RNF144A: variants seen among roughly 807,000 people sequenced by gnomAD.
The protein encoded by RNF144A is ring finger protein 144A.
RNF144A carries 11 observed loss-of-function variants against 38.7 expected under a neutral mutation model. The observed-to-expected ratio is 0.28, with a 90% CI of 0.18 to 0.47. RNF144A has a LOEUF of 0.47. Among genes scored for constraint, RNF144A ranks in the 20% least tolerant of loss-of-function variants. RNF144A has a pLI of 0.99. For synonymous variants in RNF144A, 149 were observed against 143.9 expected (o/e 1.04, Z -0.25); for missense variants, 316 against 377.2 (o/e 0.84, Z 1.34).
chr2:6,990,255 G>A (rs1669244147), intron 2 of RNF144A, among the ~76,000 whole-genome samples: 2 of 151,952 alleles, frequency 1.3e-5, no homozygotes, highest in Admixed American at 1.3e-4. Flanking sequence ...TCCTCACATG[G>A]CCAAGAAAGA....
intron 2 of RNF144A, among the ~76,000 whole-genome samples, chr2:6,982,688 C>T (rs931798733): frequency 2.0e-5 from 3 of 152,146 alleles, no homozygotes; most frequent in African/African-American, 7.2e-5. Context: ...CTGGCCATGT[C>T]TGTAGCAATC....
chr2:6,985,120 T>C (rs1668865530), intron 2 of RNF144A, among the ~76,000 whole-genome samples: 1 of 152,216 alleles, frequency 6.6e-6, no homozygotes, highest in Non-Finnish European at 1.5e-5. Flanking sequence ...CTTCTCTATG[T>C]ATTTGAAATA....
intron 8 of RNF144A, among the ~76,000 whole-genome samples, chr2:7,031,753 G>A (rs1672317032): frequency 6.6e-6 from 1 of 152,262 alleles, no homozygotes; most frequent in African/African-American, 2.4e-5. Context: ...ACGTGGCAGA[G>A]CCTGTGGGCG....
rs561456039 is a variant in RNF144A at position 7,065,851 on chromosome 2, A to C, written c.735-2365A>C. On this transcript the variant is annotated intron_variant, in intron 6 of 6. Transcript: ENST00000432850. ...ACTACGAAAGTTACTTTAAAAATACAGGCTTCTGCTGAAAACTTTAAGATC... is the reference window on the plus strand; with the variant it reads ...ACTACGAAAGTTACTTTAAAAATACCGGCTTCTGCTGAAAACTTTAAGATC... Among the ~76,000 whole-genome samples the C allele has an allele frequency of 2.0e-5, 3 of 152,370 alleles. No individual in the cohort carries two copies. In the South Asian group the frequency reaches 6.2e-4, roughly 32 times the overall value.
chr2:6,974,367 C>T (rs575661015), intron 2 of RNF144A, among the ~76,000 whole-genome samples: 3 of 152,242 alleles, frequency 2.0e-5, no homozygotes, highest in South Asian at 2.1e-4. Context: ...TTGCCGTGTC[C>T]GTGGTGGTGT....
At chr2:7,013,243 A>C (rs1670929905) in intron 3 of RNF144A, among the ~76,000 whole-genome samples, 1 of 152,182 alleles carries the variant, frequency 6.6e-6, no homozygotes, top group African/African-American at 2.4e-5. Flanking sequence ...AGGTTAAACC[A>C]CCCTAAATTG....
intron 5 of RNF144A, among the ~76,000 whole-genome samples, chr2:7,016,287 G>A (rs924404525): frequency 6.6e-6 from 1 of 152,114 alleles, no homozygotes; most frequent in Non-Finnish European, 1.5e-5. Context: ...ACAAAAGTCA[G>A]TACGTAGGGC....
chr2:7,019,270 A>C (rs56155927), intron 5 of RNF144A, among the ~76,000 whole-genome samples: 29,674 of 152,144 alleles, frequency 0.2, 3,773 homozygotes, highest in Non-Finnish European at 0.28. Flanking sequence ...ATGCGTGTGC[A>C]CCGTCAGGAC....
chr2:6,998,534 C>T (rs13422407), intron 3 of RNF144A, among the ~76,000 whole-genome samples: 2,532 of 152,296 alleles, frequency 0.017, 36 homozygotes, highest in East Asian at 0.068. Context: ...TAGTTTAGTG[C>T]AGGACCCAGA....
At chr2:6,936,657 C>T (rs1665605955) in intron 1 of RNF144A, among the ~76,000 whole-genome samples, 1 of 152,126 alleles carries the variant, frequency 6.6e-6, no homozygotes, top group South Asian at 2.1e-4. Context: ...GTTTTTGCAT[C>T]AGGTTGACTT....
chr2:6,978,447 A>G (rs1668438156), intron 2 of RNF144A, among the ~76,000 whole-genome samples: 1 of 152,168 alleles, frequency 6.6e-6, no homozygotes, highest in South Asian at 2.1e-4. Context: ...GGGACACCTT[A>G]TAAAGGTTCC....
intron 2 of RNF144A, among the ~76,000 whole-genome samples, chr2:6,980,143 A>G (rs1668542909): frequency 6.6e-6 from 1 of 152,204 alleles, no homozygotes; most frequent in African/African-American, 2.4e-5. Context: ...TGTGAAGATT[A>G]CAATTTGACA....
At chr2:7,010,865 A>G (rs1229562758) in intron 3 of RNF144A, among the ~76,000 whole-genome samples, 3 of 151,908 alleles carry the variant, frequency 2.0e-5, no homozygotes, top group Non-Finnish European at 2.9e-5. Context: ...AAGTGGCCCC[A>G]TGAGAGCACG....
intron 8 of RNF144A, among the ~76,000 whole-genome samples, chr2:7,035,052 C>T (rs1024104527): frequency 1.3e-5 from 2 of 152,198 alleles, no homozygotes; most frequent in Admixed American, 1.3e-4. Context: ...CACATTTGGC[C>T]TCCCTTGTCA....
intron 2 of RNF144A, among the ~76,000 whole-genome samples, chr2:6,945,089 A>G (rs1476681049): frequency 2.0e-5 from 3 of 152,248 alleles, no homozygotes; most frequent in African/African-American, 7.2e-5. Context: ...CTTGGCCATC[A>G]CTCAGCCTTT....
chr2:7,040,092 G>T lies in RNF144A; in HGVS notation c.*332G>T, dbSNP rs767910614. On this transcript the variant is annotated 3_prime_UTR_variant, in exon 9 of 9. Coordinates refer to ENST00000320892, the MANE Select transcript of RNF144A (RefSeq NM_014746.6). ...CTGGGGATGGCCTAAGAGACTTTCT[G>T]CTCCTTGGCTTCTAGATGGCACCAT... The T allele has an allele frequency of 2.7e-5, 28 of 1,043,136 alleles. No homozygotes were observed. The highest frequency in any genetic ancestry group is 3.1e-5 in the Non-Finnish European group (27 of 867,462). The allele number at this position is 1,043,136 out of a possible 1,614,324, so 64.6% of individuals were successfully genotyped here. A position where few individuals can be genotyped will look rare whatever the true frequency, so the allele number is the denominator to read the frequency against.
intron 6 of RNF144A, among the ~76,000 whole-genome samples, chr2:7,054,685 CCAT>C (rs1673660420): frequency 6.6e-6 from 1 of 152,156 alleles, no homozygotes; most frequent in Non-Finnish European, 1.5e-5. Context: ...GTCTTTTCCA[CCAT>C]GAGAGGACCA....
At chr2:7,044,992 G>A (rs1640244842), downstream of RNF144A, among the ~76,000 whole-genome samples, 1 of 152,222 alleles carries the variant, frequency 6.6e-6, no homozygotes, top group Admixed American at 6.5e-5. Flanking sequence ...GTAGACGCAC[G>A]CTCAGCAGGC....
chr2:6,990,387 C>T (rs1259307611), intron 2 of RNF144A, among the ~76,000 whole-genome samples: 8 of 12,968 alleles, frequency 6.2e-4, no homozygotes, highest in East Asian at 3.4e-3. Context: ...TATATATTTA[C>T]ACACACACAC....
Sources: gnomAD v4.1 joint callset for allele counts (sites outside exome capture counted in the v4.1 genomes callset) on GRCh38, gnomAD v4.1.1 for gene constraint, MANE v1.5 for transcripts, NCBI Gene and HGNC (gene_info 2026-07-23, HGNC 2026-07-21) for gene names.